Variants in NUP155 observed in about 807,000 individuals in gnomAD.
NUP155 encodes the protein nucleoporin 155.
Under a neutral mutation model 180.4 loss-of-function variants are expected in NUP155, and 71 were observed. That is an observed-to-expected ratio of 0.39 (90% CI 0.33 to 0.48). The LOEUF (loss-of-function observed/expected upper bound fraction) is 0.48. Among genes scored for constraint, NUP155 ranks in the 20% least tolerant of loss-of-function variants. The probability of loss-of-function intolerance (pLI) is 0.91; values close to 1 mark genes in which losing one functional copy is unlikely to be tolerated. For missense variants in NUP155, 1,553 were observed against 1,648.9 expected (o/e 0.94, Z 1.01); for synonymous variants, 582 against 559.5 (o/e 1.04, Z -0.57).
chr5:37,343,552 T>C (rs1745880076), intron 9 of NUP155, among the ~76,000 whole-genome samples: 1 of 151,924 alleles, frequency 6.6e-6, no homozygotes, highest in African/African-American at 2.4e-5. Flanking sequence ...GAATGGTTGG[T>C]GGGGAGCAGT....
At position 37,291,870 on chromosome 5, in the gene NUP155, C is replaced by A; in HGVS notation, c.*30G>T. The A allele has an allele frequency of 6.2e-7, 1 of 1,607,706 alleles. No individual in the cohort carries two copies. The highest frequency in any genetic ancestry group is 8.5e-7 in the Non-Finnish European group (1 of 1,174,438). On this transcript the variant is annotated 3_prime_UTR_variant, in exon 35 of 35. Transcript: ENST00000231498. ...CCAGCTGAGTTTTTATTTTACAGAT[C>A]ATAAAACGGATGAAAGTATATCACA...
chr5:37,362,399 C>T (rs1473226116), intron 3 of NUP155, among the ~76,000 whole-genome samples: 1 of 152,042 alleles, frequency 6.6e-6, no homozygotes, highest in African/African-American at 2.4e-5. Flanking sequence ...AGTGATTCTC[C>T]TGCCTCAGCC....
At chr5:37,356,836 G>A (rs1476975958) in intron 4 of NUP155, among the ~76,000 whole-genome samples, 3 of 152,186 alleles carry the variant, frequency 2.0e-5, no homozygotes, top group African/African-American at 2.4e-5. Context: ...GCCAGGGCAC[G>A]GCGGCTCACG....
chr5:37,303,555 C>A, intron 27 of NUP155, 141 bp from the exon 28 acceptor site: 1 of 713,798 alleles, frequency 1.4e-6, no homozygotes, highest in South Asian at 1.7e-5. Flanking sequence ...CCAATACTAA[C>A]AGATAAAAGA....
intron 22 of NUP155, among the ~76,000 whole-genome samples, chr5:37,312,020 C>CA (rs1257338825): frequency 6.6e-6 from 1 of 151,142 alleles, no homozygotes. Context: ...GACACTGTCT[C>CA]AAAAAAAATA....
chr5:37,370,005 CTCTTTCTTTAT>C (rs1456904808), intron 1 of NUP155, among the ~76,000 whole-genome samples: 3 of 151,366 alleles, frequency 2.0e-5, no homozygotes, highest in Non-Finnish European at 4.4e-5. Context: ...TTTCCCTGTT[CTCTTTCTTTAT>C]TCCACTGGTA....
At position 37,370,963 on chromosome 5, in the gene NUP155, C is replaced by T. The variant is rs1197374047; in HGVS notation, c.15G>A (p.Leu5=). Residue 5 remains leucine, a synonymous_variant, in exon 1 of 35, where the codon TTG becomes TTA. Transcript: ENST00000231498. ...TAGAGGCCGGCATCGCCGCGCCCAA[C>T]AAAGAAGACGGCATCTCGGAAATCG... is the stretch of plus-strand genomic sequence containing the variant. MPSS[L]LGAAMPASTS... is the part of the protein sequence containing the mutation. The T allele has an allele frequency of 5.0e-6, 8 of 1,613,988 alleles. No homozygotes were observed. The highest frequency in any genetic ancestry group is 5.1e-6 in the Non-Finnish European group (6 of 1,180,038).
chr5:37,295,942 G>A (rs1382834354), intron 32 of NUP155, among the ~76,000 whole-genome samples: 3 of 146,230 alleles, frequency 2.1e-5, no homozygotes, highest in Non-Finnish European at 4.5e-5. Context: ...CTGCCCGGCC[G>A]CCCCTACTGG....
chr5:37,349,689 A>G (rs1320553447), intron 7 of NUP155, among the ~76,000 whole-genome samples: 1 of 152,226 alleles, frequency 6.6e-6, no homozygotes, highest in Non-Finnish European at 1.5e-5. Context: ...ATTGTGTGAA[A>G]GAAAATAATT....
chr5:37,350,386 T>C, intron 6 of NUP155, 121 bp from the exon 7 acceptor site: 1 of 681,416 alleles, frequency 1.5e-6, no homozygotes, highest in East Asian at 2.7e-5. Context: ...TAATCACTAA[T>C]ACCAGTTATA....
Position 37,351,362 on chromosome 5 carries a change from T to C in NUP155, c.557-6A>G, listed in dbSNP as rs1170765543. The C allele has an allele frequency of 1.2e-6, 2 of 1,601,758 alleles. No homozygotes were observed. Among genetic ancestry groups the C allele is most frequent in the Admixed American group, 3.3e-5 (2 of 59,816 alleles). ...ATCATTAAGAACTCCAGAACCTATT[T>C]AAGAAAGAATACATAAATCAGTTTA... On this transcript the variant is annotated splice_region_variant and splice_polypyrimidine_tract_variant and intron_variant, in intron 5 of 34. Transcript: ENST00000231498.
chr5:37,331,825 A>C (rs758152534), intron 13 of NUP155, 30 bp from the exon 14 acceptor site: 1 of 1,349,538 alleles, frequency 7.4e-7, no homozygotes, highest in Admixed American at 1.7e-5. Flanking sequence ...AACATGAACA[A>C]GAGATTTACC....
chr5:37,331,351 G>T (rs888852740), intron 14 of NUP155, among the ~76,000 whole-genome samples: 2 of 152,158 alleles, frequency 1.3e-5, no homozygotes, highest in Non-Finnish European at 2.9e-5. Flanking sequence ...GAGGTGGGCG[G>T]ATCACCTGAG....
chr5:37,342,461 A>C (rs888051024), intron 10 of NUP155, 88 bp downstream of exon 10: 1 of 831,088 alleles, frequency 1.2e-6, no homozygotes, highest in Admixed American at 2.1e-5. Context: ...TATAGAAGGA[A>C]AAATATATTT....
At chr5:37,326,372 T>TC (rs1744600573) in intron 18 of NUP155, among the ~76,000 whole-genome samples, 1 of 152,164 alleles carries the variant, frequency 6.6e-6, no homozygotes, top group Admixed American at 6.6e-5. Flanking sequence ...CATTTCTTTA[T>TC]CCCTCCCTAT....
chr5:37,319,033 A>C (rs559575746), intron 20 of NUP155, among the ~76,000 whole-genome samples: 2 of 152,336 alleles, frequency 1.3e-5, no homozygotes, highest in African/African-American at 4.8e-5. Flanking sequence ...GCATGAATAC[A>C]TCCTACCACA....
intron 14 of NUP155, among the ~76,000 whole-genome samples, chr5:37,330,347 T>C (rs1380538861): frequency 1.3e-5 from 2 of 152,220 alleles, no homozygotes; most frequent in Non-Finnish European, 2.9e-5. Context: ...TGTTCTCTTT[T>C]CCTTTTAACC....
chr5:37,309,356 T>G (rs1743382040), intron 23 of NUP155, 89 bp from the exon 24 acceptor site: 1 of 1,031,022 alleles, frequency 9.7e-7, no homozygotes, highest in African/African-American at 1.6e-5. Context: ...ATGTCTAAAT[T>G]TATATATGGT....
At chr5:37,360,601 C>T (rs1747135609) in intron 3 of NUP155, among the ~76,000 whole-genome samples, 1 of 151,576 alleles carries the variant, frequency 6.6e-6, no homozygotes, top group Admixed American at 6.6e-5. Flanking sequence ...GCTTGCCCAA[C>T]CCGGTGAAAC....
Sources: allele counts gnomAD v4.1 joint callset (sites outside exome capture counted in the v4.1 genomes callset), GRCh38; gene constraint gnomAD v4.1.1; transcripts MANE v1.5; gene names NCBI Gene and HGNC (gene_info 2026-07-23, HGNC 2026-07-21).